CDC73: variants seen among roughly 807,000 people sequenced by gnomAD.
CDC73 encodes the protein cell division cycle 73, also known as parafibromin.
CDC73 carries 21 observed loss-of-function variants against 83.7 expected under a neutral mutation model. The observed-to-expected ratio is 0.25, with a 90% CI of 0.18 to 0.36. The LOEUF (loss-of-function observed/expected upper bound fraction) is 0.36, where lower values mean the gene tolerates loss of function less well. Among genes scored for constraint, CDC73 ranks in the 10% least tolerant of loss-of-function variants. The pLI is 1.00. For missense variants in CDC73, 342 were observed against 653.3 expected, an observed-to-expected ratio of 0.52 and a Z score of 5.19; for synonymous variants, 224 against 212.9, an observed-to-expected ratio of 1.05 and a Z score of -0.45.
chr1:193,187,428 G>A (rs141589867), intron 10 of CDC73, among the ~76,000 whole-genome samples: 1,862 of 152,196 alleles, frequency 0.012, 19 homozygotes, highest in South Asian at 0.034. Context: ...CTTGCCATGA[G>A]GCAGATTTTA....
chr1:193,127,273 C>A, intron 2 of CDC73, among the ~76,000 whole-genome samples: 1 of 126,608 alleles, frequency 7.9e-6, no homozygotes, highest in African/African-American at 3.1e-5. Context: ...GACTCTGTCT[C>A]AGGGAAAAAA....
chr1:193,180,267 T>C (rs1558300756), intron 10 of CDC73: 2 of 1,523,536 alleles, frequency 1.3e-6, no homozygotes, highest in Non-Finnish European at 1.8e-6. Context: ...ATTTACAAAT[T>C]GCACATTTGA....
intron 10 of CDC73, among the ~76,000 whole-genome samples, chr1:193,202,166 T>C (rs1406668838): frequency 6.6e-6 from 1 of 152,174 alleles, no homozygotes; most frequent in Non-Finnish European, 1.5e-5. Flanking sequence ...AATGTTCCTT[T>C]TAATGGATTC....
intron 8 of CDC73, among the ~76,000 whole-genome samples, chr1:193,149,517 A>G (rs1393551265): frequency 6.6e-6 from 1 of 152,168 alleles, no homozygotes; most frequent in Non-Finnish European, 1.5e-5. Context: ...TTTGTGACTG[A>G]TTATTCTTTC....
chr1:193,122,437 A>G (rs1427242931), intron 1 of CDC73, 106 bp downstream of exon 1: 1 of 1,431,460 alleles, frequency 7.0e-7, no homozygotes, highest in Non-Finnish European at 9.8e-7. Flanking sequence ...GATGGGATAA[A>G]ACGGGTGTTC....
In CDC73 at chr1:193,122,054, A is replaced by T. The variant is rs2103111190; in HGVS notation, c.-147A>T. On this transcript the variant is annotated 5_prime_UTR_variant, in exon 1 of 17. Coordinates refer to ENST00000367435, the MANE Select transcript of CDC73 (RefSeq NM_024529.5). ...TGGCTACTGCCCCTGCTGCTGTCGT[A>T]GGCGAGGACGGCTGTTAGTGCTGCT... 2.7e-6 allele frequency: 2 copies of T among 727,400 alleles called. No homozygotes were observed. Among genetic ancestry groups the T allele is most frequent in the Non-Finnish European group, 4.7e-6 (2 of 423,038 alleles). The allele number at this position is 727,400 out of a possible 1,614,324, so 45.1% of individuals were successfully genotyped here.
chr1:193,216,261 A>G (rs1209433101), intron 13 of CDC73, among the ~76,000 whole-genome samples: 1 of 152,210 alleles, frequency 6.6e-6, no homozygotes, highest in African/African-American at 2.4e-5. Flanking sequence ...ACAAAGGGAC[A>G]TTACCACCAA....
rs1474009520 is a variant in CDC73 at position 193,251,915 on chromosome 1, G to T, written c.*1203G>T. 1.3e-5 allele frequency: 3 copies of T among 227,858 alleles called. No homozygotes were observed. The highest frequency in any genetic ancestry group is 4.5e-5 in the African/African-American group (2 of 44,354). 14.1% of individuals were successfully genotyped at this position (227,858 alleles called of 1,614,324 possible). A position where few individuals can be genotyped will look rare whatever the true frequency, so the allele number is the denominator to read the frequency against. On this transcript the variant is annotated 3_prime_UTR_variant, in exon 17 of 17. Coordinates refer to ENST00000367435, the MANE Select transcript of CDC73 (RefSeq NM_024529.5). ...AAGTGTTTTTGCCATTGGAATTTTT[G>T]CTGATCACAGTCTTATGTCATTTTT...
intron 14 of CDC73, among the ~76,000 whole-genome samples, chr1:193,235,736 A>G (rs989237112): frequency 9.2e-5 from 14 of 152,184 alleles, no homozygotes; most frequent in Non-Finnish European, 2.1e-4. Context: ...AATGGTTTCT[A>G]TACTCAGATT....
At position 193,122,155 on chromosome 1, in the gene CDC73, G is replaced by A. The variant is rs768552561; in HGVS notation, c.-46G>A. ...ACAAGAGAAGAAGGAGGCAGGCGCG[G>A]CGGCAGCGGCGGCGCCCCGAGCCGG... On this transcript the variant is annotated 5_prime_UTR_variant, in exon 1 of 17. Transcript: ENST00000367435. The A allele has an allele frequency of 5.0e-6, 8 of 1,597,066 alleles. No homozygotes were observed. In the East Asian group the frequency reaches 1.8e-4, roughly 36 times the overall value.
At chr1:193,217,693 G>T (rs955077548) in intron 13 of CDC73, among the ~76,000 whole-genome samples, 1 of 152,124 alleles carries the variant, frequency 6.6e-6, no homozygotes, top group Non-Finnish European at 1.5e-5. Flanking sequence ...ATAGGCCCTG[G>T]GTGGGGGCAT....
chr1:193,177,912 G>C (rs545662051), intron 10 of CDC73, among the ~76,000 whole-genome samples: 11 of 152,224 alleles, frequency 7.2e-5, no homozygotes, highest in African/African-American at 2.6e-4. Flanking sequence ...TCTAAGTATT[G>C]AAAGTTTTGG....
At chr1:193,195,832 C>T (rs1676993933) in intron 10 of CDC73, among the ~76,000 whole-genome samples, 1 of 151,992 alleles carries the variant, frequency 6.6e-6, no homozygotes, top group Non-Finnish European at 1.5e-5. Context: ...AATCCTTTGC[C>T]CATATTTAAA....
chr1:193,153,626 AGTTT>A (rs1676158947), intron 10 of CDC73, among the ~76,000 whole-genome samples: 1 of 152,142 alleles, frequency 6.6e-6, no homozygotes. Context: ...TCTGATTTTA[AGTTT>A]GTTTTTTTCT....
intron 13 of CDC73, among the ~76,000 whole-genome samples, chr1:193,217,939 A>G (rs578182262): frequency 6.6e-6 from 1 of 152,308 alleles, no homozygotes; most frequent in South Asian, 2.1e-4. Context: ...AGAAAGAAAT[A>G]AAAGGCATCC....
At position 193,236,497 on chromosome 1, in the gene CDC73, T is replaced by C. The variant is rs1677760589; in HGVS notation, c.1417+141T>C. The C allele has an allele frequency of 2.0e-5, 13 of 664,668 alleles. No individual in the cohort carries two copies. The South Asian group carries it at 2.0e-4, about 10-fold the overall frequency. The allele number at this position is 664,668 out of a possible 1,614,324, so 41.2% of individuals were successfully genotyped here. A position where few individuals can be genotyped will look rare whatever the true frequency, so the allele number is the denominator to read the frequency against. On this transcript the variant is annotated intron_variant, in intron 15 of 16. Coordinates refer to ENST00000367435, the MANE Select transcript of CDC73 (RefSeq NM_024529.5). ...TAACATATGTTAATGTTTAAGCATC[T>C]GTGACATATTTTTAAAAGCTTTGTA...
chr1:193,130,241 C>G lies in CDC73; in HGVS notation c.305C>G (p.Ala102Gly), dbSNP rs778134705. 6.5e-7 allele frequency: 1 copy of G among 1,542,486 alleles called. No homozygotes were observed. The highest frequency in any genetic ancestry group is 9.0e-7 in the Non-Finnish European group (1 of 1,115,406). The change falls in exon 3 of 17, where the codon GCG becomes GGG. Residue 102 changes from alanine to glycine, a missense_variant and splice_region_variant. This residue lies in a region of CDC73 where 99 missense variants were observed against 174.5 expected (regional missense o/e 0.57). Coordinates refer to ENST00000367435, the MANE Select transcript of CDC73 (RefSeq NM_024529.5). The stretch of plus-strand genomic sequence containing the variant: ...CTACTTGGATATCTCAATGGTGAAG[C>G]GTGTGAGTACTTTTTAAATTGTTCC... ...KDLLGYLNGE[A>G]STSASIDRSA...
chr1:193,174,447 T>C (rs1025754142), intron 10 of CDC73, among the ~76,000 whole-genome samples: 1 of 152,208 alleles, frequency 6.6e-6, no homozygotes, highest in Non-Finnish European at 1.5e-5. Flanking sequence ...GTATTTTGCA[T>C]GTAAATGTTG....
At chr1:193,249,567 T>C (rs1258627504) in intron 15 of CDC73, among the ~76,000 whole-genome samples, 163 bp from the exon 16 acceptor site, 1 of 152,054 alleles carries the variant, frequency 6.6e-6, no homozygotes, top group Non-Finnish European at 1.5e-5. Context: ...TTCCTCATTT[T>C]AGTGTCCAGT....
Sources: gnomAD v4.1 joint callset for allele counts (sites outside exome capture counted in the v4.1 genomes callset) on GRCh38, gnomAD v4.1.1 for gene constraint, gnomAD v4.1.1 regional missense constraint, MANE v1.5 for transcripts, NCBI Gene and HGNC (gene_info 2026-07-23, HGNC 2026-07-21) for gene names.